Variants in DNAJC1 observed in about 807,000 individuals in gnomAD.
DNAJC1 encodes dnaJ homolog subfamily C member 1.
In DNAJC1, 58 loss-of-function variants were observed where a neutral mutation model predicts 76.6. That is an observed-to-expected ratio of 0.76 (90% confidence interval 0.61 to 0.94). The LOEUF is 0.94. Among genes scored for constraint, DNAJC1 ranks in the 40% least tolerant of loss-of-function variants. The probability of loss-of-function intolerance (pLI) is 0.00; values close to 1 mark genes in which losing one functional copy is unlikely to be tolerated. For synonymous variants in DNAJC1, 258 were observed against 267.9 expected, an observed-to-expected ratio of 0.96 and a Z score of 0.36; for missense variants, 689 against 677.3, an observed-to-expected ratio of 1.02 and a Z score of -0.19.
chr10:21,948,347 T>C (rs1053066236), intron 1 of DNAJC1, among the ~76,000 whole-genome samples: 2 of 152,200 alleles, frequency 1.3e-5, no homozygotes, highest in Non-Finnish European at 2.9e-5. Flanking sequence ...CAGAAATCAT[T>C]GCACAAAATA....
chr10:21,820,684 G>A (rs765956396), intron 8 of DNAJC1, among the ~76,000 whole-genome samples: 5 of 152,166 alleles, frequency 3.3e-5, no homozygotes, highest in Admixed American at 1.3e-4. Flanking sequence ...CCTCCAACCC[G>A]ATGGAAGCCT....
intron 1 of DNAJC1, among the ~76,000 whole-genome samples, chr10:21,991,259 A>G (rs1419336441): frequency 6.6e-6 from 1 of 152,194 alleles, no homozygotes; most frequent in Admixed American, 6.5e-5. Context: ...TCAAAATATC[A>G]CTAACGACCT....
chr10:21,830,463 G>A (rs903307954), intron 8 of DNAJC1, among the ~76,000 whole-genome samples: 1 of 151,828 alleles, frequency 6.6e-6, no homozygotes, highest in Non-Finnish European at 1.5e-5. Flanking sequence ...AAGGTAATTG[G>A]TAGTATAACT....
chr10:21,851,363 A>G (rs549848897), intron 8 of DNAJC1, among the ~76,000 whole-genome samples: 28 of 152,254 alleles, frequency 1.8e-4, no homozygotes, highest in African/African-American at 6.3e-4. Flanking sequence ...AACATGTGAA[A>G]AGATTCTCAA....
intron 9 of DNAJC1, among the ~76,000 whole-genome samples, chr10:21,769,430 G>T (rs1436648120): frequency 3.3e-5 from 5 of 152,148 alleles, no homozygotes. Flanking sequence ...TGAGGCCCAG[G>T]GAGAATAAAT....
chr10:21,829,997 AATCCATATCT>A (rs1366263476), intron 8 of DNAJC1, among the ~76,000 whole-genome samples: 4 of 152,216 alleles, frequency 2.6e-5, no homozygotes, highest in Non-Finnish European at 4.4e-5. Flanking sequence ...ATCTAAAGTA[AATCCATATCT>A]ATCCCCCTCC....
chr10:21,777,308 A>G (rs1172851187), intron 9 of DNAJC1, among the ~76,000 whole-genome samples: 5 of 152,242 alleles, frequency 3.3e-5, no homozygotes, highest in Non-Finnish European at 5.9e-5. Flanking sequence ...CAAAGACTAT[A>G]TAAGAATCTT....
intron 1 of DNAJC1, among the ~76,000 whole-genome samples, chr10:21,965,788 T>C (rs1837880037): frequency 6.6e-6 from 1 of 152,224 alleles, no homozygotes; most frequent in East Asian, 1.9e-4. Context: ...GGAAATGTCC[T>C]ACTCTGTTTA....
chr10:21,923,372 C>T (rs116456311), intron 3 of DNAJC1, among the ~76,000 whole-genome samples: 1,624 of 152,028 alleles, frequency 0.011, 27 homozygotes, highest in African/African-American at 0.037. Flanking sequence ...TACCAAAGTA[C>T]ACACAGACAC....
At chr10:21,985,073 G>A (rs1838218169) in intron 1 of DNAJC1, among the ~76,000 whole-genome samples, 1 of 152,016 alleles carries the variant, frequency 6.6e-6, no homozygotes, top group Non-Finnish European at 1.5e-5. Flanking sequence ...GCTTGGTTGA[G>A]GTACATTTAC....
At chr10:21,763,150 C>T (rs1834260205) in intron 10 of DNAJC1, among the ~76,000 whole-genome samples, 1 of 152,108 alleles carries the variant, frequency 6.6e-6, no homozygotes, top group African/African-American at 2.4e-5. Flanking sequence ...AGGCTGGTCT[C>T]GAACTCCTGA....
chr10:21,785,240 T>A (rs2131630473), intron 9 of DNAJC1: 1 of 152,328 alleles, frequency 6.6e-6, no homozygotes, highest in Admixed American at 6.5e-5. Context: ...AATTTCCCAT[T>A]GTGTGGAGGC....
chr10:21,846,787 T>G (rs1835666494), intron 8 of DNAJC1, among the ~76,000 whole-genome samples: 1 of 152,108 alleles, frequency 6.6e-6, no homozygotes, highest in South Asian at 2.1e-4. Flanking sequence ...TATCTCCATT[T>G]TACAACACAA....
At chr10:21,929,760 C>A (rs569774007) in intron 1 of DNAJC1, among the ~76,000 whole-genome samples, 2 of 152,206 alleles carry the variant, frequency 1.3e-5, no homozygotes, top group Admixed American at 6.5e-5. Context: ...TGGCCAGCCT[C>A]CTCAGTCTGG....
chr10:21,979,248 T>A (rs1838112823), intron 1 of DNAJC1, among the ~76,000 whole-genome samples: 1 of 152,088 alleles, frequency 6.6e-6, no homozygotes, highest in Non-Finnish European at 1.5e-5. Context: ...TGGTTTCTAC[T>A]ATGTAAAGCT....
At chr10:21,895,741 A>G (rs923870955) in intron 7 of DNAJC1, among the ~76,000 whole-genome samples, 2 of 152,162 alleles carry the variant, frequency 1.3e-5, no homozygotes, top group African/African-American at 4.8e-5. Flanking sequence ...GAATGACCGC[A>G]AAGGCATTTT....
At chr10:21,761,755 A>C (rs1366286099) in intron 10 of DNAJC1, among the ~76,000 whole-genome samples, 1 of 152,064 alleles carries the variant, frequency 6.6e-6, no homozygotes. Context: ...CGTTAATGGC[A>C]ACAAACTCCC....
intron 1 of DNAJC1, among the ~76,000 whole-genome samples, chr10:21,991,455 G>C (rs1838325530): frequency 6.6e-6 from 1 of 152,104 alleles, no homozygotes; most frequent in South Asian, 2.1e-4. Context: ...AGCCTTTACA[G>C]AACAAAGCAT....
At chr10:21,825,307 T>C (rs1281047180) in intron 8 of DNAJC1, among the ~76,000 whole-genome samples, 2 of 152,264 alleles carry the variant, frequency 1.3e-5, no homozygotes, top group Non-Finnish European at 2.9e-5. Context: ...CATGGAATTA[T>C]ATCATGTGGC....
Sources: gnomAD v4.1 joint callset for allele counts (sites outside exome capture counted in the v4.1 genomes callset) on GRCh38, gnomAD v4.1.1 for gene constraint, MANE v1.5 for transcripts, NCBI Gene and HGNC (gene_info 2026-07-23, HGNC 2026-07-21) for gene names.